The following ERICH3 variants were observed in gnomAD, a reference collection of about 807,000 sequenced individuals.
The protein encoded by ERICH3 is glutamate-rich protein 3.
In ERICH3, 126 loss-of-function variants were observed where a neutral mutation model predicts 131.1. That is an observed-to-expected ratio of 0.96 (90% CI 0.83 to 1.11). The LOEUF (loss-of-function observed/expected upper bound fraction) is 1.11, where lower values mean the gene tolerates loss of function less well. ERICH3 is among the 50% of genes most tolerant of loss of function. The probability of loss-of-function intolerance (pLI) is 0.00; values close to 1 mark genes in which losing one functional copy is unlikely to be tolerated. For missense variants in ERICH3, 2,050 were observed against 1,810.7 expected, an observed-to-expected ratio of 1.13 and a Z score of -2.40; for synonymous variants, 695 against 644.6, an observed-to-expected ratio of 1.08 and a Z score of -1.18.
intron 12 of ERICH3, among the ~76,000 whole-genome samples, chr1:74,588,706 G>A (rs960117937): frequency 1.3e-5 from 2 of 152,100 alleles, no homozygotes; most frequent in Admixed American, 1.3e-4. Context: ...CTAGGTGAGA[G>A]GCAAGCATCG....
At chr1:74,594,439 C>T in intron 11 of ERICH3, among the ~76,000 whole-genome samples, 1 of 152,048 alleles carries the variant, frequency 6.6e-6, no homozygotes, top group East Asian at 1.9e-4. Context: ...AGTCTGCTCT[C>T]CCTCCTCATA....
At chr1:74,594,989 C>T (rs181098029) in intron 11 of ERICH3, among the ~76,000 whole-genome samples, 2 of 152,168 alleles carry the variant, frequency 1.3e-5, no homozygotes, top group African/African-American at 2.4e-5. Context: ...GTGACATAAC[C>T]GTGGATCCCA....
intron 5 of ERICH3, among the ~76,000 whole-genome samples, chr1:74,638,104 C>G (rs1157467516): frequency 6.6e-6 from 1 of 151,970 alleles, no homozygotes; most frequent in Non-Finnish European, 1.5e-5. Context: ...GAATGGTGAA[C>G]AACAAATATT....
chr1:74,569,170 T>C lies in ERICH3; in HGVS notation c.*1288A>G, dbSNP rs141576968. 1 of 152,200 alleles carries C rather than the reference T, an allele frequency of 6.6e-6. No homozygotes were observed. The allele number at this position is 152,200 out of a possible 1,614,324, so 9.4% of individuals were successfully genotyped here. A position where few individuals can be genotyped will look rare whatever the true frequency, so the allele number is the denominator to read the frequency against. ...TCTCAACCTTGGCTACAGAGAAGAA[T>C]CAAGTGAAAAGTTAAAAATATATAT... is the stretch of plus-strand genomic sequence containing the variant. On this transcript the variant is annotated 3_prime_UTR_variant, in exon 15 of 15. Coordinates refer to ENST00000326665, the MANE Select transcript of ERICH3 (RefSeq NM_001002912.5).
chr1:74,617,762 GATA>G (rs1299323818), intron 8 of ERICH3, among the ~76,000 whole-genome samples: 2 of 152,146 alleles, frequency 1.3e-5, no homozygotes, highest in Non-Finnish European at 2.9e-5. Flanking sequence ...CCTAGTCTGT[GATA>G]ATGACTGCAC....
intron 8 of ERICH3, 122 bp from the exon 9 acceptor site, chr1:74,612,931 T>C: frequency 1.3e-6 from 1 of 759,442 alleles, no homozygotes; most frequent in East Asian, 2.8e-5. Context: ...TCCAATCTTT[T>C]GGCTTCCCTG....
chr1:74,605,143 A>G (rs934350843), intron 10 of ERICH3, among the ~76,000 whole-genome samples: 3 of 151,924 alleles, frequency 2.0e-5, no homozygotes, highest in Non-Finnish European at 4.4e-5. Context: ...TATGGAAATG[A>G]CTTCTTTCTT....
intron 11 of ERICH3, among the ~76,000 whole-genome samples, chr1:74,596,779 C>T (rs1647871711): frequency 1.3e-5 from 2 of 151,998 alleles, no homozygotes; most frequent in Non-Finnish European, 2.9e-5. Flanking sequence ...AGCTGTCGTT[C>T]TTTTTAAATG....
chr1:74,643,939 C>T (rs1381832456), intron 3 of ERICH3, among the ~76,000 whole-genome samples: 3 of 152,014 alleles, frequency 2.0e-5, no homozygotes, highest in Admixed American at 1.3e-4. Flanking sequence ...ATGTTAACAG[C>T]CGTTGTCTCT....
chr1:74,607,177 T>C (rs949985584), intron 9 of ERICH3, among the ~76,000 whole-genome samples: 10 of 152,050 alleles, frequency 6.6e-5, no homozygotes, highest in Admixed American at 2.0e-4. Flanking sequence ...CCAAGAACTA[T>C]AGTTTCAAAC....
chr1:74,649,094 G>T, intron 2 of ERICH3, 128 bp downstream of exon 2: 2 of 600,536 alleles, frequency 3.3e-6, no homozygotes, highest in South Asian at 3.1e-5. Flanking sequence ...TCAAAACTTT[G>T]GAAAGAAAGT....
intron 8 of ERICH3, among the ~76,000 whole-genome samples, chr1:74,613,546 AT>A (rs1339166582): frequency 2.0e-5 from 3 of 152,176 alleles, no homozygotes; most frequent in African/African-American, 7.2e-5. Context: ...AAATGCTTTT[AT>A]TTTTAGTTGT....
chr1:74,577,033 T>C, intron 12 of ERICH3, 97 bp from the exon 13 acceptor site: 1 of 1,018,440 alleles, frequency 9.8e-7, no homozygotes, highest in Admixed American at 2.7e-5. Flanking sequence ...TTAAGGCAAA[T>C]TCACCTAGCT....
At chr1:74,652,778 G>A (rs936133932) in intron 1 of ERICH3, among the ~76,000 whole-genome samples, 3 of 152,064 alleles carry the variant, frequency 2.0e-5, no homozygotes, top group Non-Finnish European at 1.5e-5. Context: ...CGCAGGCTAT[G>A]TTGTCATGCC....
Position 74,577,245 on chromosome 1 carries a change from GA to G in ERICH3, c.2177-310del, listed in dbSNP as rs142907816. 3.1e-3 allele frequency: 559 copies of G among 180,578 alleles called. 5 individuals are homozygous for G. Among genetic ancestry groups the G allele is most frequent in the African/African-American group, 0.012 (486 of 42,138 alleles). 11.2% of individuals were successfully genotyped at this position (180,578 alleles called of 1,614,324 possible). On this transcript the variant is annotated intron_variant, in intron 12 of 14. Coordinates refer to ENST00000326665, the MANE Select transcript of ERICH3 (RefSeq NM_001002912.5). ...TGGCCATTCTATTCCTTAGTTGAAA[GA>G]AAAAAAAAAAGTGGCAGAAGGAAGA...
At position 74,572,084 on chromosome 1, in the gene ERICH3, C is replaced by A; in HGVS notation, c.3626G>T (p.Arg1209Leu). The change falls in exon 14 of 15, where the codon CGC (arginine) becomes CTC (leucine). Residue 1209 changes from arginine (R) to leucine (L), a missense_variant. By Grantham distance (102) the Arg-to-Leu change is moderately radical. Coordinates refer to ENST00000326665, the MANE Select transcript of ERICH3 (RefSeq NM_001002912.5). ...TGCTAAGGCCCCCTCTCCATCTTGG[C>A]GGTGCCCTTCCTTCAGGGCCCTATT... ...RENRALKEGH[R>L]QDGEGALAAP... 6.2e-7 allele frequency: 1 copy of A among 1,614,218 alleles called. No homozygotes were observed. The highest frequency in any genetic ancestry group is 8.5e-7 in the Non-Finnish European group (1 of 1,180,032).
intron 11 of ERICH3, among the ~76,000 whole-genome samples, chr1:74,599,311 G>A (rs1488758495): frequency 6.6e-6 from 1 of 151,778 alleles, no homozygotes; most frequent in African/African-American, 2.4e-5. Context: ...GGTTTTTGAA[G>A]CTGCATTAAT....
At position 74,673,671 on chromosome 1, in the gene ERICH3, C is replaced by A. The variant is rs1428137596; in HGVS notation, c.-152G>T. ...CACCTGGGCTGGGCCGCCGCCGCCC[C>A]TGGGCGCCCGGGCTACCCGCAGCCT... On this transcript the variant is annotated 5_prime_UTR_variant, in exon 1 of 15. In the 5' UTR this introduces an upstream ATG that the reference lacks. Coordinates refer to ENST00000326665, the MANE Select transcript of ERICH3 (RefSeq NM_001002912.5). 2.9e-6 allele frequency: 2 copies of A among 678,550 alleles called. No homozygotes were observed. The highest frequency in any genetic ancestry group is 4.4e-6 in the Non-Finnish European group (2 of 457,186). 42.0% of individuals were successfully genotyped at this position (678,550 alleles called of 1,614,324 possible). A position where few individuals can be genotyped will look rare whatever the true frequency, so the allele number is the denominator to read the frequency against.
rs188644692 is a variant in ERICH3, at chr1:74,603,606, G to A, written c.1489+2995C>T. On this transcript the variant is annotated intron_variant, in intron 10 of 14. Coordinates refer to ENST00000326665, the MANE Select transcript of ERICH3 (RefSeq NM_001002912.5). ...TACCTATATATATATTCGATATACA[G>A]GTATACCTCAGGGATATTGCAGGTT... 2.8e-4 allele frequency among the ~76,000 whole-genome samples: 43 copies of A among 151,798 alleles called. No individual in the cohort carries two copies. The East Asian group carries it at 8.1e-3, about 29-fold the overall frequency.
Sources: allele counts gnomAD v4.1 joint callset (sites outside exome capture counted in the v4.1 genomes callset), GRCh38; gene constraint gnomAD v4.1.1; transcripts MANE v1.5; gene names NCBI Gene and HGNC (gene_info 2026-07-23, HGNC 2026-07-21).